ESR1: variants seen among roughly 807,000 people sequenced by gnomAD.
ESR1 encodes the protein estrogen receptor 1, also known as estrogen receptor.
In ESR1, 12 loss-of-function variants were observed where a neutral mutation model predicts 52.7. That is an observed-to-expected ratio of 0.23 (90% confidence interval 0.15 to 0.37). The LOEUF (loss-of-function observed/expected upper bound fraction) is 0.37. Among genes scored for constraint, ESR1 ranks in the 10% least tolerant of loss-of-function variants. The pLI, the probability that ESR1 is intolerant of heterozygous loss-of-function variation, is 1.00. For synonymous variants in ESR1, 305 were observed against 316.8 expected, an observed-to-expected ratio of 0.96 and a Z score of 0.39; for missense variants, 584 against 779.7, an observed-to-expected ratio of 0.75 and a Z score of 2.99.
At chr6:152,121,703 T>C (rs2152519235) in intron 6 of ESR1, 1 of 152,656 alleles carries the variant, frequency 6.6e-6, no homozygotes, top group Non-Finnish European at 1.5e-5. Flanking sequence ...ATAATATCTA[T>C]AATAAATGCA....
chr6:151,683,864 A>ATTTT lies in ESR1; in HGVS notation n.74-17994_74-17991dup, dbSNP rs66983259. 5.7e-4 allele frequency among the ~76,000 whole-genome samples: 67 copies of ATTTT among 118,364 alleles called. 1 individual carries two copies. Among genetic ancestry groups the ATTTT allele is most frequent in the African/African-American group, 1.8e-3 (55 of 30,520 alleles). The allele number at this position is 118,364 out of a possible 152,430, so 77.7% of individuals were successfully genotyped here. A position where few individuals can be genotyped will look rare whatever the true frequency, so the allele number is the denominator to read the frequency against. On this transcript the variant is annotated intron_variant and non_coding_transcript_variant, in intron 1 of 2. Transcript: ENST00000473497. ...CAAGCATGTGCCACCACGTCTGGCT[A>ATTTT]TTTTTTTTTTTTTTTTTTTTGTAGT...
intron 5 of ESR1, among the ~76,000 whole-genome samples, chr6:152,022,665 GGT>G (rs1046321938): frequency 1.3e-5 from 2 of 151,960 alleles, no homozygotes; most frequent in Non-Finnish European, 2.9e-5. Flanking sequence ...CCAAAGGAAG[GGT>G]GTCTTTCAAA....
chr6:151,795,884 T>C (rs1227406115), intron 2 of ESR1, among the ~76,000 whole-genome samples: 1 of 152,010 alleles, frequency 6.6e-6, no homozygotes. Flanking sequence ...GTGCGGTGGC[T>C]CACGCCTGTA....
chr6:151,781,609 G>A (rs1364709867), intron 2 of ESR1, among the ~76,000 whole-genome samples: 1 of 152,164 alleles, frequency 6.6e-6, no homozygotes, highest in Non-Finnish European at 1.5e-5. Flanking sequence ...ACATCCCACC[G>A]CTTCGCTGTT....
At position 151,868,673 on chromosome 6, in the gene ESR1, T is replaced by G. The variant is rs980924861; in HGVS notation, c.644-11982T>G. 9.2e-5 allele frequency among the ~76,000 whole-genome samples: 14 copies of G among 152,208 alleles called. No homozygotes were observed. In the East Asian group the frequency reaches 2.5e-3, roughly 27 times the overall value. ...TTTATGGCTGTGTAGTATTCCGTGG[T>G]GTAGATATACCATATATTCTTTATC... On this transcript the variant is annotated intron_variant, in intron 2 of 7. Transcript: ENST00000206249.
intron 3 of ESR1, among the ~76,000 whole-genome samples, chr6:151,934,625 T>A (rs1451958704): frequency 6.6e-6 from 1 of 152,218 alleles, no homozygotes; most frequent in Non-Finnish European, 1.5e-5. Context: ...ACAGCAGTTT[T>A]AGCCTGTCCG....
intron 2 of ESR1, among the ~76,000 whole-genome samples, chr6:151,709,779 G>A (rs1177942816): frequency 6.0e-5 from 9 of 150,364 alleles, no homozygotes; most frequent in East Asian, 5.8e-4. Context: ...ATCTTACCCC[G>A]TCAATAATTT....
chr6:151,951,303 A>G (rs2036298635), intron 4 of ESR1, among the ~76,000 whole-genome samples: 1 of 152,150 alleles, frequency 6.6e-6, no homozygotes, highest in Non-Finnish European at 1.5e-5. Context: ...AGCCTCCTAC[A>G]GAAGTATTTT....
chr6:151,801,051 GGTGTGT>G (rs3062689), upstream of ESR1, among the ~76,000 whole-genome samples: 4 of 147,610 alleles, frequency 2.7e-5, no homozygotes, highest in South Asian at 2.2e-4. Context: ...TTGATTATGT[GGTGTGT>G]GTGTGTGTGT....
intron 5 of ESR1, among the ~76,000 whole-genome samples, chr6:152,018,426 A>T (rs1489606516): frequency 9.3e-6 from 1 of 107,180 alleles, no homozygotes; most frequent in African/African-American, 4.3e-5. Context: ...GAAGAATGAT[A>T]AAAAAAAAAA....
intron 5 of ESR1, among the ~76,000 whole-genome samples, chr6:152,023,306 T>A (rs528056919): frequency 6.6e-6 from 1 of 152,286 alleles, no homozygotes; most frequent in South Asian, 2.1e-4. Flanking sequence ...TAAACTAAAA[T>A]ATTATGAATT....
chr6:151,735,563 T>G (rs1457703046), intron 2 of ESR1, among the ~76,000 whole-genome samples: 1 of 152,048 alleles, frequency 6.6e-6, no homozygotes, highest in African/African-American at 2.4e-5. Flanking sequence ...TTGTTTGTTT[T>G]TGTTTTTTTT....
chr6:151,790,418 T>C (rs1286866157), intron 2 of ESR1, among the ~76,000 whole-genome samples: 1 of 152,172 alleles, frequency 6.6e-6, no homozygotes, highest in Non-Finnish European at 1.5e-5. Context: ...GTGAAGCCCT[T>C]TTCCCTGGGC....
intron 6 of ESR1, among the ~76,000 whole-genome samples, chr6:152,068,320 G>T (rs568372450): frequency 6.6e-6 from 1 of 152,298 alleles, no homozygotes; most frequent in African/African-American, 2.4e-5. Flanking sequence ...AGATTCTAAG[G>T]CATTCATAAG....
intron 3 of ESR1, among the ~76,000 whole-genome samples, chr6:151,883,897 C>A (rs761618948): frequency 5.3e-5 from 8 of 152,138 alleles, no homozygotes; most frequent in African/African-American, 1.9e-4. Context: ...CCAGTCATAT[C>A]GGATTAGGGC....
chr6:151,746,937 T>C (rs1004770662), intron 2 of ESR1, among the ~76,000 whole-genome samples: 3 of 152,232 alleles, frequency 2.0e-5, no homozygotes, highest in Non-Finnish European at 2.9e-5. Context: ...TGAATTAATA[T>C]ACGCAACATG....
At chr6:151,686,548 C>T (rs936062052), upstream of ESR1, among the ~76,000 whole-genome samples, 1 of 152,144 alleles carries the variant, frequency 6.6e-6, no homozygotes, top group Non-Finnish European at 1.5e-5. Context: ...ATTAGCCGGG[C>T]GTGGCGGCGG....
chr6:151,743,780 C>T (rs187320114), intron 2 of ESR1, among the ~76,000 whole-genome samples: 2 of 152,254 alleles, frequency 1.3e-5, no homozygotes, highest in East Asian at 3.9e-4. Flanking sequence ...AATTAATATA[C>T]CACAAAATCA....
In ESR1 at chr6:152,098,640, G is replaced by A. The variant is rs1392375562; in HGVS notation, c.1554-92G>A. On this transcript the variant is annotated intron_variant, in intron 7 of 7. Coordinates refer to ENST00000206249, the MANE Select transcript of ESR1 (RefSeq NM_000125.4). The surrounding 1 kb of genome is among the most constrained non-coding windows in gnomAD (Gnocchi z 5.1). The stretch of plus-strand genomic sequence containing the variant: ...AAAGAAAGATTGCTAAGTGTCTTTG[G>A]AGTTCCTCTTCCTTCCCCTTCTAGG... 16 of 989,398 alleles carry A rather than the reference G, an allele frequency of 1.6e-5. No individual in the cohort carries two copies. Among genetic ancestry groups the A allele is most frequent in the Non-Finnish European group, 2.5e-5 (16 of 635,232 alleles). The allele number at this position is 989,398 out of a possible 1,614,324, so 61.3% of individuals were successfully genotyped here. A position where few individuals can be genotyped will look rare whatever the true frequency, so the allele number is the denominator to read the frequency against.
Sources: allele counts gnomAD v4.1 joint callset (sites outside exome capture counted in the v4.1 genomes callset), GRCh38; gene constraint gnomAD v4.1.1; non-coding constraint Gnocchi (gnomAD v3.1); transcripts MANE v1.5; gene names NCBI Gene and HGNC (gene_info 2026-07-23, HGNC 2026-07-21).